The following SUPT3H variants were observed in gnomAD, a reference collection of about 807,000 sequenced individuals.
SUPT3H encodes SPT3 homolog, SAGA and STAGA complex component, also known as transcription initiation protein SPT3 homolog.
SUPT3H carries 44 observed loss-of-function variants against 44.3 expected under a neutral mutation model. The ratio of observed to expected loss-of-function variants is 0.99; its 90% CI spans 0.78 to 1.28. SUPT3H has a LOEUF of 1.28. Among genes scored for constraint, SUPT3H ranks in the 50% most tolerant of loss-of-function variants. The pLI, the probability that SUPT3H is intolerant of heterozygous loss-of-function variation, is 0.00. For missense variants in SUPT3H, 380 were observed against 387.1 expected (o/e 0.98, Z 0.15); for synonymous variants, 124 against 125.6 (o/e 0.99, Z 0.09).
At chr6:45,037,025 T>C (rs1787775094) in intron 3 of SUPT3H, among the ~76,000 whole-genome samples, 1 of 152,146 alleles carries the variant, frequency 6.6e-6, no homozygotes, top group Non-Finnish European at 1.5e-5. Context: ...TTTATTTATA[T>C]TGACAAGAGA....
chr6:44,916,403 C>T (rs567559754), intron 10 of SUPT3H, among the ~76,000 whole-genome samples: 74 of 152,266 alleles, frequency 4.9e-4, no homozygotes, highest in South Asian at 1.2e-3. Flanking sequence ...AGCCTTATTC[C>T]CCATATGTGG....
At chr6:45,201,291 C>A (rs1181458842) in intron 2 of SUPT3H, among the ~76,000 whole-genome samples, 1 of 151,616 alleles carries the variant, frequency 6.6e-6, no homozygotes, top group East Asian at 1.9e-4. Context: ...TCTCATACTG[C>A]AACTTGCCAA....
intron 2 of SUPT3H, among the ~76,000 whole-genome samples, chr6:45,304,518 T>C (rs192535160): frequency 1.3e-5 from 2 of 152,360 alleles, no homozygotes; most frequent in Non-Finnish European, 2.9e-5. Flanking sequence ...CTAGTATCAT[T>C]TTCTAAAACT....
intron 5 of SUPT3H, among the ~76,000 whole-genome samples, chr6:45,010,679 C>G (rs4714834): frequency 1.3e-5 from 2 of 151,982 alleles, no homozygotes; most frequent in African/African-American, 4.8e-5. Flanking sequence ...ACAGCAGAAA[C>G]AGAAGAAACA....
chr6:45,035,565 C>G (rs1437524404), intron 3 of SUPT3H, among the ~76,000 whole-genome samples: 1 of 152,078 alleles, frequency 6.6e-6, no homozygotes, highest in Non-Finnish European at 1.5e-5. Flanking sequence ...TGTACAGACT[C>G]TGATTACTTC....
intron 10 of SUPT3H, among the ~76,000 whole-genome samples, chr6:44,891,496 C>G (rs895121954): frequency 2.0e-5 from 3 of 151,996 alleles, no homozygotes; most frequent in East Asian, 3.9e-4. Flanking sequence ...AAGCCAGACA[C>G]AAGAGACCAC....
chr6:45,099,230 A>C (rs1335410451), intron 3 of SUPT3H: 1 of 203,460 alleles, frequency 4.9e-6, no homozygotes, highest in Non-Finnish European at 1.0e-5. Flanking sequence ...CCCTCAGAGG[A>C]TGGGAGCTCA....
intron 6 of SUPT3H, among the ~76,000 whole-genome samples, chr6:44,989,103 A>G (rs1780245104): frequency 6.6e-6 from 1 of 152,178 alleles, no homozygotes; most frequent in African/African-American, 2.4e-5. Flanking sequence ...TAATAACATG[A>G]GACATTAAAA....
chr6:44,865,951 TG>T (rs901852333), intron 10 of SUPT3H, among the ~76,000 whole-genome samples: 1 of 151,942 alleles, frequency 6.6e-6, no homozygotes, highest in Non-Finnish European at 1.5e-5. Context: ...GAAAGCCAAG[TG>T]GGAGAACTTG....
intron 3 of SUPT3H, among the ~76,000 whole-genome samples, chr6:45,035,575 C>T (rs1036895436): frequency 6.6e-6 from 1 of 152,092 alleles, no homozygotes; most frequent in African/African-American, 2.4e-5. Context: ...CTGATTACTT[C>T]CCTACCTCCA....
chr6:45,194,030 G>C (rs1815599944), intron 2 of SUPT3H, among the ~76,000 whole-genome samples: 1 of 152,054 alleles, frequency 6.6e-6, no homozygotes, highest in Non-Finnish European at 1.5e-5. Context: ...TCCTTTTCCA[G>C]TGGGTTCATT....
chr6:45,344,127 T>C (rs959673436), intron 2 of SUPT3H, among the ~76,000 whole-genome samples: 2 of 152,190 alleles, frequency 1.3e-5, no homozygotes, highest in African/African-American at 4.8e-5. Flanking sequence ...AGATAAAAGT[T>C]GATATGAAGT....
At chr6:44,979,861 T>C (rs1357590655) in intron 6 of SUPT3H, among the ~76,000 whole-genome samples, 4 of 152,334 alleles carry the variant, frequency 2.6e-5, no homozygotes, top group African/African-American at 9.6e-5. Context: ...TTAAGTTCTT[T>C]CCATTTACCA....
At chr6:44,936,204 T>G (rs563567346) in intron 9 of SUPT3H, among the ~76,000 whole-genome samples, 1 of 152,332 alleles carries the variant, frequency 6.6e-6, no homozygotes, top group African/African-American at 2.4e-5. Flanking sequence ...TTCATCCTTA[T>G]GGAGAATTTT....
chr6:45,088,090 G>A (rs1796700430), intron 3 of SUPT3H, among the ~76,000 whole-genome samples: 1 of 152,042 alleles, frequency 6.6e-6, no homozygotes, highest in African/African-American at 2.4e-5. Flanking sequence ...GGATTGAAAT[G>A]AATTAAATTT....
chr6:45,094,870 T>G (rs560795411), intron 3 of SUPT3H, among the ~76,000 whole-genome samples: 1 of 152,190 alleles, frequency 6.6e-6, no homozygotes, highest in African/African-American at 2.4e-5. Context: ...GAAGTAAAAA[T>G]GAAGAAAAGT....
chr6:45,355,795 T>C (rs1020363333), intron 2 of SUPT3H, among the ~76,000 whole-genome samples: 5 of 152,164 alleles, frequency 3.3e-5, no homozygotes, highest in African/African-American at 1.2e-4. Context: ...GACTTAGAAA[T>C]GGGTTGTATT....
At chr6:44,968,869 C>T (rs537234306) in intron 6 of SUPT3H, among the ~76,000 whole-genome samples, 93 of 152,234 alleles carry the variant, frequency 6.1e-4, no homozygotes, top group Middle Eastern at 3.4e-3. Flanking sequence ...GACATAATCT[C>T]GGCCATTCTA....
chr6:44,944,872 ATATAT>A (rs1409448826), intron 9 of SUPT3H, among the ~76,000 whole-genome samples: 1 of 151,838 alleles, frequency 6.6e-6, no homozygotes, highest in Non-Finnish European at 1.5e-5. Context: ...ATGACTTTAA[ATATAT>A]TATATTTATC....
Sources: allele counts gnomAD v4.1 joint callset (sites outside exome capture counted in the v4.1 genomes callset), GRCh38; gene constraint gnomAD v4.1.1; transcripts MANE v1.5; gene names NCBI Gene and HGNC (gene_info 2026-07-23, HGNC 2026-07-21).